Variants in ZFP69 observed in about 807,000 individuals in gnomAD.
ZFP69 encodes ZFP69 zinc finger protein.
In ZFP69, 35 loss-of-function variants were observed where a neutral mutation model predicts 48.9. The observed-to-expected ratio is 0.72, with a 90% confidence interval of 0.55 to 0.95. The LOEUF is 0.95. Ranked by LOEUF, ZFP69 falls within the 40% of genes least tolerant of loss-of-function variation. ZFP69 has a pLI of 0.00. For missense variants in ZFP69, 557 were observed against 638.4 expected (o/e 0.87, Z 1.37); for synonymous variants, 193 against 216.8 (o/e 0.89, Z 0.96).
intron 3 of ZFP69, among the ~76,000 whole-genome samples, chr1:40,488,168 T>C (rs905492574): frequency 9.4e-6 from 1 of 106,680 alleles, no homozygotes; most frequent in Non-Finnish European, 1.8e-5. Flanking sequence ...GTTTTGTATG[T>C]ATACACACAC....
At chr1:40,487,818 G>A (rs1370570184) in intron 3 of ZFP69, among the ~76,000 whole-genome samples, 3 of 151,628 alleles carry the variant, frequency 2.0e-5, no homozygotes, top group Non-Finnish European at 4.4e-5. Context: ...AGGCTGAGGT[G>A]GGCGAATCAC....
chr1:40,492,046 A>T (rs1645575120), intron 5 of ZFP69, among the ~76,000 whole-genome samples: 1 of 152,052 alleles, frequency 6.6e-6, no homozygotes, highest in South Asian at 2.1e-4. Context: ...AATTGTTTTT[A>T]GAGACTGGGT....
chr1:40,496,219 C>T lies in ZFP69; in HGVS notation c.*160C>T. Reference sequence around the variant, plus strand: ...TACATTGACAGGTATTGACTACTAACACCTCTAAAAAGTACTTAAGATTAA... The same window carrying T: ...TACATTGACAGGTATTGACTACTAATACCTCTAAAAAGTACTTAAGATTAA... On this transcript the variant is annotated 3_prime_UTR_variant, in exon 6 of 6. Coordinates refer to ENST00000372706, the MANE Select transcript of ZFP69 (RefSeq NM_001320179.2). 1.6e-6 allele frequency: 1 copy of T among 628,720 alleles called. No homozygotes were observed. Among genetic ancestry groups the T allele is most frequent in the Non-Finnish European group, 2.5e-6 (1 of 393,804 alleles). 38.9% of individuals were successfully genotyped at this position (628,720 alleles called of 1,614,324 possible).
In ZFP69 at chr1:40,489,074, A is replaced by G. The variant is rs1178307235; in HGVS notation, c.220-14A>G. On this transcript the variant is annotated splice_polypyrimidine_tract_variant and intron_variant, in intron 3 of 5. Transcript: ENST00000372706. ...GTGGTCTCCGGCTAAAAATGAATGTATTTGATGTTCTAGGAATTGTTGACT... is the reference window on the plus strand; with the variant it reads ...GTGGTCTCCGGCTAAAAATGAATGTGTTTGATGTTCTAGGAATTGTTGACT... The G allele has an allele frequency of 6.2e-7, 1 of 1,613,890 alleles. No individual in the cohort carries two copies. The highest frequency in any genetic ancestry group is 8.5e-7 in the Non-Finnish European group (1 of 1,179,898).
chr1:40,495,439 C>A lies in ZFP69; in HGVS notation c.961C>A (p.His321Asn), dbSNP rs1419527806. 1 of 1,614,054 alleles carries A rather than the reference C, an allele frequency of 6.2e-7. No individual in the cohort carries two copies. The highest frequency in any genetic ancestry group is 2.2e-5 in the East Asian group (1 of 44,884). Reference sequence around the variant, plus strand: ...ATCCCTCAGTACACACCAGAGAATCCATACTGGTGAGAAACCCTTTGAATG... The same window carrying A: ...ATCCCTCAGTACACACCAGAGAATCAATACTGGTGAGAAACCCTTTGAATG... ...SASLSTHQRI[H>N]TGEKPFECEE... The change falls in exon 6 of 6, where the codon CAT becomes AAT. Residue 321 changes from histidine (H) to asparagine (N), a missense_variant. Coordinates refer to ENST00000372706, the MANE Select transcript of ZFP69 (RefSeq NM_001320179.2).
intron 3 of ZFP69, among the ~76,000 whole-genome samples, chr1:40,486,454 CATCCCTCCCTCCCTCCT>C (rs1645499706): frequency 7.6e-6 from 1 of 131,110 alleles, no homozygotes; most frequent in African/African-American, 2.8e-5. Flanking sequence ...TCCCTCCCTC[CATCCCTCCCTCCCTCCT>C]TTCTTCCTCC....
At position 40,495,494 on chromosome 1, in the gene ZFP69, G is replaced by A. The variant is rs752437339; in HGVS notation, c.1016G>A (p.Arg339His). ...CEECGKAFRH[R>H]SSLNQHHRTH... ...GAATGTGGGAAAGCCTTCAGACATC[G>A]CTCATCACTTAATCAGCATCATAGA... is the stretch of plus-strand genomic sequence containing the variant. Residue 339 changes from arginine (R) to histidine (H), a missense_variant, in exon 6 of 6, where the codon CGC (arginine) becomes CAC (histidine). Physicochemically the swap from Arg to His is conservative, Grantham distance 29. Transcript: ENST00000372706. 5 of 1,613,982 alleles carry A rather than the reference G, an allele frequency of 3.1e-6. No homozygotes were observed. Among genetic ancestry groups the A allele is most frequent in the South Asian group, 1.1e-5 (1 of 91,080 alleles).
At chr1:40,488,892 T>C (rs1327893453) in intron 3 of ZFP69, among the ~76,000 whole-genome samples, 196 bp from the exon 4 acceptor site, 2 of 151,870 alleles carry the variant, frequency 1.3e-5, no homozygotes, top group Non-Finnish European at 2.9e-5. Context: ...ATCTCCAGAT[T>C]AGAGATCCAG....
intron 2 of ZFP69, 134 bp from the exon 3 acceptor site, chr1:40,481,629 C>T (rs890062822): frequency 1.7e-6 from 1 of 589,126 alleles, no homozygotes; most frequent in Non-Finnish European, 2.9e-6. Flanking sequence ...CTTCAGGCTG[C>T]TCTTGAGTCA....
intron 3 of ZFP69, among the ~76,000 whole-genome samples, chr1:40,482,923 A>G (rs544079468): frequency 6.6e-6 from 1 of 152,350 alleles, no homozygotes; most frequent in African/African-American, 2.4e-5. Context: ...TGATGTAACC[A>G]GTAGACAAAA....
At chr1:40,478,149 C>A (rs933825382) in intron 1 of ZFP69, among the ~76,000 whole-genome samples, 1 of 151,600 alleles carries the variant, frequency 6.6e-6, no homozygotes, top group African/African-American at 2.4e-5. Context: ...CACACACACA[C>A]GCCTATAAGT....
At position 40,489,531 on chromosome 1, in the gene ZFP69, T is replaced by C. The variant is rs766262699; in HGVS notation, c.349T>C (p.Tyr117His). The change falls in exon 5 of 6, where the codon TAT becomes CAT. Residue 117 changes from tyrosine to histidine, a missense_variant and splice_region_variant. By Grantham distance (83) the Tyr-to-His change is moderately conservative. Transcript: ENST00000372706. ...TGTTTTTTTTACTACATAAGCAGGA[T>C]ATCAACTTTCCAAACCTAGTGTGAT... ...ENYSNLVSVGYQLSKPSVISQ... is the reference protein window; with the variant it reads ...ENYSNLVSVGHQLSKPSVISQ... 1 of 1,610,312 alleles carries C rather than the reference T, an allele frequency of 6.2e-7. No homozygotes were observed. Among genetic ancestry groups the C allele is most frequent in the Admixed American group, 1.7e-5 (1 of 58,532 alleles).
At chr1:40,482,690 A>G (rs1187998764) in intron 3 of ZFP69, among the ~76,000 whole-genome samples, 2 of 152,238 alleles carry the variant, frequency 1.3e-5, no homozygotes, top group Admixed American at 6.5e-5. Flanking sequence ...AACAATAATT[A>G]AAAGAACATT....
intron 5 of ZFP69, among the ~76,000 whole-genome samples, chr1:40,494,307 C>T (rs1279171980): frequency 1.8e-5 from 2 of 112,880 alleles, no homozygotes; most frequent in Non-Finnish European, 3.3e-5. Context: ...CTCGCTCTGT[C>T]GCCCAGGCTG....
chr1:40,478,816 C>T (rs962554915), intron 1 of ZFP69, among the ~76,000 whole-genome samples: 2 of 152,086 alleles, frequency 1.3e-5, no homozygotes, highest in African/African-American at 4.8e-5. Flanking sequence ...GATTTCAAAG[C>T]CTGCCCTCTT....
At chr1:40,483,074 G>T (rs749191424) in intron 3 of ZFP69, among the ~76,000 whole-genome samples, 5 of 151,984 alleles carry the variant, frequency 3.3e-5, no homozygotes, top group Non-Finnish European at 5.9e-5. Flanking sequence ...GAGATCTGCG[G>T]GTGGGGTGGA....
In ZFP69 at chr1:40,479,222, C is replaced by G. The variant is rs981409367; in HGVS notation, c.-140C>G. The G allele has an allele frequency of 6.5e-6, 7 of 1,077,610 alleles. No homozygotes were observed. The African/African-American group carries it at 1.1e-4, about 17-fold the overall frequency. The allele number at this position is 1,077,610 out of a possible 1,614,324, so 66.8% of individuals were successfully genotyped here. On this transcript the variant is annotated 5_prime_UTR_variant, in exon 2 of 6. Transcript: ENST00000372706. ...CATCAGTCTCTAGGAACCCCCAGGT[C>G]CTGGTGCTGCAGGGACACACCAGAG... is the stretch of plus-strand genomic sequence containing the variant.
At position 40,489,633 on chromosome 1, in the gene ZFP69, AAGTGTGTT is replaced by A; in HGVS notation, c.442+13_442+20del. The A allele has an allele frequency of 1.3e-6, 2 of 1,594,690 alleles. No individual in the cohort carries two copies. The highest frequency in any genetic ancestry group is 1.7e-6 in the Non-Finnish European group (2 of 1,170,122). ...AGGAGATCCCAGTTCAGGTGAGACC[AAGTGTGTT>A]AGTCTGTTTTTGTGTTGCTATAAAG... On this transcript the variant is annotated intron_variant, in intron 5 of 5. Transcript: ENST00000372706.
intron 1 of ZFP69, among the ~76,000 whole-genome samples, chr1:40,478,830 C>A (rs1645415819): frequency 6.6e-6 from 1 of 152,098 alleles, no homozygotes. Flanking sequence ...CCCTCTTAAA[C>A]CCCGTCTGTG....
Sources: gnomAD v4.1 joint callset for allele counts (sites outside exome capture counted in the v4.1 genomes callset) on GRCh38, gnomAD v4.1.1 for gene constraint, MANE v1.5 for transcripts, NCBI Gene and HGNC (gene_info 2026-07-23, HGNC 2026-07-21) for gene names.